RNF213: variants seen among roughly 807,000 people sequenced by gnomAD.
RNF213 encodes ring finger protein 213.
Under a neutral mutation model 514.4 loss-of-function variants are expected in RNF213, and 341 were observed. The ratio of observed to expected loss-of-function variants is 0.66; its 90% CI spans 0.61 to 0.73. The LOEUF (loss-of-function observed/expected upper bound fraction) is 0.73, where lower values mean the gene tolerates loss of function less well. Ranked by LOEUF, RNF213 falls within the 30% of genes least tolerant of loss-of-function variation. The pLI is 0.00. For missense variants in RNF213, 5,767 were observed against 6,615.6 expected (o/e 0.87, Z 4.45); for synonymous variants, 2,655 against 2,658.2 (o/e 1.00, Z 0.04).
At chr17:80,393,059 C>T (rs2080545476) in intron 67 of RNF213, among the ~76,000 whole-genome samples, 1 of 151,858 alleles carries the variant, frequency 6.6e-6, no homozygotes, top group Non-Finnish European at 1.5e-5. Flanking sequence ...CTCGCTGTAG[C>T]CTCCACCTCC....
Position 80,288,208 on chromosome 17 carries a change from G to C in RNF213, c.655G>C (p.Glu219Gln). 1.9e-6 allele frequency: 3 copies of C among 1,613,110 alleles called. No individual in the cohort carries two copies. Among genetic ancestry groups the C allele is most frequent in the Non-Finnish European group, 2.5e-6 (3 of 1,179,796 alleles). ...CTCTGGGGGCAGAGGCCTGTCCCAGGAGGGGACCGGTCCCCCCACCTCTGC... is the reference window on the plus strand; with the variant it reads ...CTCTGGGGGCAGAGGCCTGTCCCAGCAGGGGACCGGTCCCCCCACCTCTGC... Reference protein sequence around the residue: ...IPSGGRGLSQEGTGPPTSAGE... With the variant: ...IPSGGRGLSQQGTGPPTSAGE... Residue 219 changes from glutamate to glutamine, a missense_variant, in exon 4 of 68, where the codon GAG becomes CAG. Physicochemically the swap from Glu to Gln is conservative, Grantham distance 29. Around this residue, in one of 13 missense-constraint regions of RNF213, gnomAD observed 509 missense variants for 496.7 expected, o/e 1.02. Transcript: ENST00000582970. This position sits in a 1 kb window ranked among gnomAD's most constrained non-coding sequence, Gnocchi z 4.9.
Position 80,343,297 on chromosome 17 carries a change from TG to T in RNF213, c.6156del (p.Leu2053SerfsTer6). Reference sequence around the variant, plus strand: ...GATGCGCAGTATCAGAAGGTCCCCGTGCTCTTTCACCTGGACGTGACCTCCT... The same window carrying T: ...GATGCGCAGTATCAGAAGGTCCCCGTCTCTTTCACCTGGACGTGACCTCCT... ...FLDAQYQKVP[V>X]LFHLDVTSSV... On this transcript the variant is annotated frameshift_variant, in exon 27 of 68. Coordinates refer to ENST00000582970, the MANE Select transcript of RNF213 (RefSeq NM_001256071.3). LOFTEE classifies it high-confidence loss of function. This position sits in a 1 kb window ranked among gnomAD's most constrained non-coding sequence, Gnocchi z 4.3. The T allele has an allele frequency of 6.2e-7, 1 of 1,612,928 alleles. No individual in the cohort carries two copies. Among genetic ancestry groups the T allele is most frequent in the Middle Eastern group, 1.9e-4 (1 of 5,394 alleles).
rs150864655 is a variant in RNF213, at chr17:80,284,437, A to G, written c.262-3378A>G. On this transcript the variant is annotated intron_variant, in intron 3 of 67. Transcript: ENST00000582970. ...CATGTGCCTGTAATCCCAGCTACTC[A>G]GGAGGCTGAGGCAGGAGAATGGCAT... Among the ~76,000 whole-genome samples, 297 of 151,696 alleles carry G rather than the reference A, an allele frequency of 2.0e-3. 1 individual carries two copies. The highest frequency in any genetic ancestry group is 6.8e-3 in the African/African-American group (282 of 41,308).
intron 2 of RNF213, 65 bp from the exon 3 acceptor site, chr17:80,273,176 C>G: frequency 1.2e-6 from 2 of 1,600,650 alleles, no homozygotes; most frequent in Non-Finnish European, 8.5e-7. Context: ...GGGAGGATTT[C>G]TGTTTTTCCT....
intron 3 of RNF213, among the ~76,000 whole-genome samples, chr17:80,274,466 G>A (rs559097345): frequency 6.5e-4 from 96 of 147,476 alleles, no homozygotes; most frequent in African/African-American, 2.4e-3. Context: ...TGGGCACGGA[G>A]AAGGGGAAGC....
Position 80,345,024 on chromosome 17 carries a change from A to G in RNF213, c.6689A>G (p.Glu2230Gly). The change falls in exon 29 of 68, where the codon GAG (glutamate) becomes GGG (glycine). Residue 2230 changes from glutamate (E) to glycine (G), a missense_variant. Glu to Gly is a moderately conservative substitution (Grantham distance 98). Transcript: ENST00000582970. This position sits in a 1 kb window ranked among gnomAD's most constrained non-coding sequence, Gnocchi z 6.0. ...RFLNYQLRDC[E>G]ASLFCNPSFI... ...CTGAATTATCAGCTCAGAGATTGTG[A>G]GGCCTCTCTCTTCTGCAATCCGAGT... 1 of 1,614,112 alleles carries G rather than the reference A, an allele frequency of 6.2e-7. No individual in the cohort carries two copies. The highest frequency in any genetic ancestry group is 8.5e-7 in the Non-Finnish European group (1 of 1,180,018).
At position 80,345,331 on chromosome 17, in the gene RNF213, C is replaced by T. The variant is rs777983999; in HGVS notation, c.6996C>T (p.Ala2332=). 2.5e-5 allele frequency: 41 copies of T among 1,614,010 alleles called. No individual in the cohort carries two copies. The highest frequency in any genetic ancestry group is 3.4e-5 in the Non-Finnish European group (40 of 1,180,050). The change falls in exon 29 of 68, where the codon GCC becomes GCT. Residue 2332 remains alanine (A), a synonymous_variant. Coordinates refer to ENST00000582970, the MANE Select transcript of RNF213 (RefSeq NM_001256071.3). This position sits in a 1 kb window ranked among gnomAD's most constrained non-coding sequence, Gnocchi z 6.0. Reference sequence around the variant, plus strand: ...CCAACATCAACGGCAGTGTCGATGCCATCAGTCACTTGACTGGGAAGGTCA... The same window carrying T: ...CCAACATCAACGGCAGTGTCGATGCTATCAGTCACTTGACTGGGAAGGTCA... ...LQPNINGSVD[A]ISHLTGKVIK... is the part of the protein sequence containing the mutation.
Position 80,372,169 on chromosome 17 carries a change from T to C in RNF213, c.12537+184T>C, listed in dbSNP as rs180884579. On this transcript the variant is annotated intron_variant, in intron 47 of 67. Coordinates refer to ENST00000582970, the MANE Select transcript of RNF213 (RefSeq NM_001256071.3). ...ACGTATATTTTGGCATTTACTTGCA[T>C]ATACATACAAAACAGAACAGCCTAG... 1.1e-4 allele frequency among the ~76,000 whole-genome samples: 16 copies of C among 152,366 alleles called. No individual in the cohort carries two copies. The East Asian group carries it at 3.1e-3, about 29-fold the overall frequency.
In RNF213 at chr17:80,336,154, T is replaced by C; in HGVS notation, c.4310-7T>C. ...CCCACGCTGAACTCCCCTCTTCTCT[T>C]CCCCAGGCATCAATGAGCTGAAGGT... is the stretch of plus-strand genomic sequence containing the variant. On this transcript the variant is annotated splice_region_variant and splice_polypyrimidine_tract_variant and intron_variant, in intron 22 of 67. Transcript: ENST00000582970. 2 of 1,536,544 alleles carry C rather than the reference T, an allele frequency of 1.3e-6. No homozygotes were observed. The highest frequency in any genetic ancestry group is 4.9e-5 in the East Asian group (2 of 40,900).
rs781402702 is a variant in RNF213, at chr17:80,380,871, A to G, written c.13681A>G (p.Asn4561Asp). 2.1e-5 allele frequency: 34 copies of G among 1,614,224 alleles called. 1 individual carries two copies. The South Asian group carries it at 2.5e-4, about 12-fold the overall frequency. ...AACGCAGACCGGCCACGTGCTGGGC[A>G]ACCCGCAGCGGAGAGACGTGGTGAC... ...DRTQTGHVLGNPQRRDVVTCD... is the reference protein window; with the variant it reads ...DRTQTGHVLGDPQRRDVVTCD... Residue 4561 changes from asparagine to aspartate, a missense_variant, in exon 56 of 68, where the codon AAC (asparagine) becomes GAC (aspartate). This residue lies in a region of RNF213 where 1,245 missense variants were observed against 1,339.0 expected (regional missense o/e 0.93). Transcript: ENST00000582970.
chr17:80,343,493 C>G lies in RNF213; in HGVS notation c.6183+168C>G, dbSNP rs1224680449. ...GAAGTGTGTTGTCAGGCAGTTTCCT[C>G]CTTGTGTGAACGTCATGGTGTGCGC... On this transcript the variant is annotated intron_variant, in intron 27 of 67. Transcript: ENST00000582970. This position sits in a 1 kb window ranked among gnomAD's most constrained non-coding sequence, Gnocchi z 4.3. Among the ~76,000 whole-genome samples the G allele has an allele frequency of 1.3e-5, 2 of 152,154 alleles. No homozygotes were observed.
At chr17:80,271,348 C>T (rs1567993273) in intron 2 of RNF213, among the ~76,000 whole-genome samples, 1 of 152,236 alleles carries the variant, frequency 6.6e-6, no homozygotes. Flanking sequence ...GCTACGCCAA[C>T]ACTGAGTACT....
chr17:80,290,471 A>AGTG (rs2044674253), intron 6 of RNF213, 99 bp from the exon 7 acceptor site: 3 of 1,419,776 alleles, frequency 2.1e-6, no homozygotes, highest in East Asian at 4.6e-5. Context: ...GTGTGTGTGC[A>AGTG]CGTGTGTGTG....
At position 80,397,473 on chromosome 17, in the gene RNF213, C is replaced by G. The variant is rs1176615187; in HGVS notation, c.*3975C>G. ...CTGGTAGTTAAAGATCGACGCCTGA[C>G]CTAATCAGTGATGCTATCTATAGAT... On this transcript the variant is annotated 3_prime_UTR_variant, in exon 68 of 68. Coordinates refer to ENST00000582970, the MANE Select transcript of RNF213 (RefSeq NM_001256071.3). The G allele has an allele frequency of 6.6e-6, 1 of 152,120 alleles. No homozygotes were observed. The highest frequency in any genetic ancestry group is 1.5e-5 in the Non-Finnish European group (1 of 68,036). 9.4% of individuals were successfully genotyped at this position (152,120 alleles called of 1,614,324 possible).
In RNF213 at chr17:80,348,266, C is replaced by T. The variant is rs971003801; in HGVS notation, c.9931C>T (p.Arg3311Cys). The T allele has an allele frequency of 5.6e-6, 9 of 1,613,264 alleles. No homozygotes were observed. The highest frequency in any genetic ancestry group is 3.3e-5 in the Admixed American group (2 of 60,010). ...QAHLHTADLE[R>C]HAIFTEITTF... Reference sequence around the variant, plus strand: ...ACACCTGCACACGGCAGACCTGGAGCGCCACGCCATCTTCACAGAGGTGAT... The same window carrying T: ...ACACCTGCACACGGCAGACCTGGAGTGCCACGCCATCTTCACAGAGGTGAT... The change falls in exon 29 of 68, where the codon CGC becomes TGC. Residue 3311 changes from arginine (R) to cysteine (C), a missense_variant. Transcript: ENST00000582970.
Position 80,288,570 on chromosome 17 carries a change from C to T in RNF213, c.811-63C>T, listed in dbSNP as rs971749184. ...TTGTGGCAGATGCTGCCCCTTAAAC[C>T]ATTGAGTCGGAGTCACCCTGGCCCA... is the stretch of plus-strand genomic sequence containing the variant. On this transcript the variant is annotated intron_variant, in intron 4 of 67. Coordinates refer to ENST00000582970, the MANE Select transcript of RNF213 (RefSeq NM_001256071.3). The surrounding 1 kb of genome is among the most constrained non-coding windows in gnomAD (Gnocchi z 4.9). The T allele has an allele frequency of 6.2e-7, 1 of 1,613,670 alleles. No homozygotes were observed. Among genetic ancestry groups the T allele is most frequent in the African/African-American group, 1.3e-5 (1 of 74,936 alleles).
chr17:80,370,878 T>C (rs1382421383), intron 46 of RNF213, among the ~76,000 whole-genome samples: 1 of 152,106 alleles, frequency 6.6e-6, no homozygotes, highest in Non-Finnish European at 1.5e-5. Flanking sequence ...TGTTGGTTGG[T>C]GATGATAACA....
rs1046219487 is a variant in RNF213 at position 80,396,986 on chromosome 17, A to G, written c.*3488A>G. The G allele has an allele frequency of 6.6e-6, 1 of 152,240 alleles. No individual in the cohort carries two copies. The highest frequency in any genetic ancestry group is 2.4e-5 in the African/African-American group (1 of 41,398). 9.4% of individuals were successfully genotyped at this position (152,240 alleles called of 1,614,324 possible). A position where few individuals can be genotyped will look rare whatever the true frequency, so the allele number is the denominator to read the frequency against. ...CCCTGCTGTGCTTCCCCTCACACCTAAACTTACTATAAGGGTCCTACCTTC... is the reference window on the plus strand; with the variant it reads ...CCCTGCTGTGCTTCCCCTCACACCTGAACTTACTATAAGGGTCCTACCTTC... On this transcript the variant is annotated 3_prime_UTR_variant, in exon 68 of 68. Transcript: ENST00000582970.
intron 50 of RNF213, 132 bp from the exon 51 acceptor site, chr17:80,375,628 G>A (rs924540058): frequency 5.5e-5 from 38 of 696,516 alleles, no homozygotes; most frequent in African/African-American, 5.3e-5. Context: ...GCTTGAACCC[G>A]AGAGGCAGAG....
Sources: gnomAD v4.1 joint callset for allele counts (sites outside exome capture counted in the v4.1 genomes callset) on GRCh38, gnomAD v4.1.1 for gene constraint, gnomAD v4.1.1 regional missense constraint, Gnocchi (gnomAD v3.1) non-coding constraint, MANE v1.5 for transcripts, NCBI Gene and HGNC (gene_info 2026-07-23, HGNC 2026-07-21) for gene names.